The following VAT1L variants were observed in gnomAD, a reference collection of about 807,000 sequenced individuals.
VAT1L encodes the protein putative NADPH-dependent quinone oxidoreductase VAT1L.
A neutral mutation model predicts 44.1 loss-of-function variants in VAT1L; 34 were observed. That is an observed-to-expected ratio of 0.77 (90% CI 0.59 to 1.03). VAT1L has a LOEUF of 1.03. VAT1L is among the 50% of genes least tolerant of loss of function. VAT1L has a pLI of 0.00. For synonymous variants in VAT1L, 253 were observed against 202.2 expected (o/e 1.25, Z -2.13); for missense variants, 615 against 538.8 (o/e 1.14, Z -1.40).
intron 7 of VAT1L, among the ~76,000 whole-genome samples, chr16:77,962,823 G>A (rs1345942762): frequency 6.6e-6 from 1 of 151,900 alleles, no homozygotes; most frequent in Admixed American, 6.6e-5. Context: ...GCTCATGCCT[G>A]CAGTCTCAGC....
At chr16:77,890,584 A>G (rs915816652) in intron 7 of VAT1L, among the ~76,000 whole-genome samples, 1 of 152,174 alleles carries the variant, frequency 6.6e-6, no homozygotes, top group African/African-American at 2.4e-5. Context: ...CATAGTACAC[A>G]GAGGGCTGCA....
chr16:77,953,054 T>G (rs1044365530), intron 7 of VAT1L, among the ~76,000 whole-genome samples: 3 of 151,854 alleles, frequency 2.0e-5, no homozygotes, highest in African/African-American at 7.3e-5. Context: ...CATGGTGTAC[T>G]TGTAAGAAGG....
At chr16:77,871,726 C>G (rs1309540169) in intron 4 of VAT1L, among the ~76,000 whole-genome samples, 2 of 152,150 alleles carry the variant, frequency 1.3e-5, no homozygotes, top group Non-Finnish European at 2.9e-5. Flanking sequence ...GATAACAGAG[C>G]AAGACCCAGT....
intron 7 of VAT1L, chr16:77,892,515 C>T: frequency 3.6e-6 from 2 of 562,296 alleles, no homozygotes; most frequent in Non-Finnish European, 7.1e-6. Flanking sequence ...TTTCCAAAGA[C>T]AGCAGAAAAA....
intron 7 of VAT1L, among the ~76,000 whole-genome samples, chr16:77,885,049 C>T (rs928841312): frequency 9.2e-5 from 14 of 152,166 alleles, no homozygotes; most frequent in Non-Finnish European, 1.5e-4. Flanking sequence ...CCAGGTAAGG[C>T]CACCAAATTT....
Position 77,839,671 on chromosome 16 carries a change from G to A in VAT1L, c.579+14210G>A, listed in dbSNP as rs111613775. On this transcript the variant is annotated intron_variant, in intron 3 of 8. Transcript: ENST00000302536. Reference sequence around the variant, plus strand: ...AGAAATGACAGTAAGTGATTGGGTGGTACACAACCTTGGGGCGGGATCAGC... The same window carrying A: ...AGAAATGACAGTAAGTGATTGGGTGATACACAACCTTGGGGCGGGATCAGC... Among the ~76,000 whole-genome samples, 465 of 151,426 alleles carry A rather than the reference G, an allele frequency of 3.1e-3. 3 individuals are homozygous for A. Among genetic ancestry groups the A allele is most frequent in the African/African-American group, 0.011 (453 of 41,260 alleles).
intron 7 of VAT1L, among the ~76,000 whole-genome samples, chr16:77,918,730 A>G (rs79561366): frequency 0.036 from 5,407 of 152,276 alleles, 327 homozygotes; most frequent in African/African-American, 0.12. Flanking sequence ...AGCCCTCCCA[A>G]GCTGATCATT....
intron 7 of VAT1L, among the ~76,000 whole-genome samples, chr16:77,917,672 G>A (rs917321322): frequency 6.6e-6 from 1 of 152,150 alleles, no homozygotes; most frequent in African/African-American, 2.4e-5. Flanking sequence ...TAGCGATTAA[G>A]ATTCTATCTG....
At chr16:77,806,023 C>T (rs1331712071) in intron 1 of VAT1L, among the ~76,000 whole-genome samples, 1 of 151,300 alleles carries the variant, frequency 6.6e-6, no homozygotes, top group Non-Finnish European at 1.5e-5. Context: ...CCACCATGCC[C>T]AGCAAATTTT....
At chr16:77,799,401 A>C (rs2016000605) in intron 1 of VAT1L, among the ~76,000 whole-genome samples, 1 of 151,672 alleles carries the variant, frequency 6.6e-6, no homozygotes, top group Non-Finnish European at 1.5e-5. Flanking sequence ...TCTCTGGCTT[A>C]AGAAAATGAG....
intron 7 of VAT1L, among the ~76,000 whole-genome samples, chr16:77,954,492 G>T (rs1485116626): frequency 6.6e-6 from 1 of 152,162 alleles, no homozygotes; most frequent in Non-Finnish European, 1.5e-5. Context: ...GGGTGTGGTA[G>T]CGCATGCCTG....
At chr16:77,841,184 A>G (rs998506881) in intron 3 of VAT1L, among the ~76,000 whole-genome samples, 6 of 152,190 alleles carry the variant, frequency 3.9e-5, no homozygotes, top group African/African-American at 1.4e-4. Flanking sequence ...GGGCTCAAAC[A>G]ATCCTCCCAC....
chr16:77,918,482 C>G (rs2017573887), intron 7 of VAT1L, among the ~76,000 whole-genome samples: 1 of 152,176 alleles, frequency 6.6e-6, no homozygotes, highest in African/African-American at 2.4e-5. Context: ...TGCCGTTAGA[C>G]TCCTTCACTG....
At chr16:77,905,480 C>T (rs898633527) in intron 7 of VAT1L, among the ~76,000 whole-genome samples, 1 of 152,042 alleles carries the variant, frequency 6.6e-6, no homozygotes, top group African/African-American at 2.4e-5. Context: ...AGTAGCCTCG[C>T]CACCCCTGCT....
chr16:77,841,921 T>A (rs2016710303), intron 3 of VAT1L, among the ~76,000 whole-genome samples: 1 of 151,672 alleles, frequency 6.6e-6, no homozygotes, highest in South Asian at 2.1e-4. Context: ...AGAGTCTCGC[T>A]CTGTTGCCCA....
At chr16:77,921,449 A>G (rs1486286440) in intron 7 of VAT1L, among the ~76,000 whole-genome samples, 2 of 152,182 alleles carry the variant, frequency 1.3e-5, no homozygotes, top group Admixed American at 6.5e-5. Flanking sequence ...GTGGGAGAGA[A>G]AACTATTTCT....
chr16:77,930,953 A>G lies in VAT1L; in HGVS notation c.1078-40897A>G, dbSNP rs150144388. On this transcript the variant is annotated intron_variant, in intron 7 of 8. Transcript: ENST00000302536. ...AGGATCTTCCAGGCGCTGTACTAAGAATCTTAAATTTTATCTCATTTAAAC... is the reference window on the plus strand; with the variant it reads ...AGGATCTTCCAGGCGCTGTACTAAGGATCTTAAATTTTATCTCATTTAAAC... 2.3e-3 allele frequency among the ~76,000 whole-genome samples: 351 copies of G among 152,302 alleles called. 2 individuals are homozygous for G. Among genetic ancestry groups the G allele is most frequent in the African/African-American group, 8.0e-3 (332 of 41,562 alleles).
Position 77,912,868 on chromosome 16 carries a change from C to G in VAT1L, c.1077+28066C>G, listed in dbSNP as rs145323362. On this transcript the variant is annotated intron_variant, in intron 7 of 8. Coordinates refer to ENST00000302536, the MANE Select transcript of VAT1L (RefSeq NM_020927.3). ...GCTCTCTTCTTGGCCTGTAGATGGC[C>G]GTCTTCTCACTGCTTCCTCATATGG... Among the ~76,000 whole-genome samples, 56 of 152,216 alleles carry G rather than the reference C, an allele frequency of 3.7e-4. 3 individuals carry two copies. Among genetic ancestry groups the G allele is most frequent in the East Asian group, 3.5e-3 (18 of 5,164 alleles).
chr16:77,858,757 G>T (rs962546146), intron 3 of VAT1L, among the ~76,000 whole-genome samples: 1 of 152,036 alleles, frequency 6.6e-6, no homozygotes, highest in African/African-American at 2.4e-5. Context: ...AATCCTAGTG[G>T]TTTGGGAAGC....
Sources: gnomAD v4.1 joint callset for allele counts (sites outside exome capture counted in the v4.1 genomes callset) on GRCh38, gnomAD v4.1.1 for gene constraint, MANE v1.5 for transcripts, NCBI Gene and HGNC (gene_info 2026-07-23, HGNC 2026-07-21) for gene names.